Variants in TMEM39A observed in about 807,000 individuals in gnomAD.
The protein encoded by TMEM39A is transmembrane protein 39A.
TMEM39A carries 19 observed loss-of-function variants against 51.9 expected under a neutral mutation model. The observed-to-expected ratio is 0.37, with a 90% CI of 0.26 to 0.54. TMEM39A has a LOEUF of 0.54. TMEM39A is among the 20% of genes least tolerant of loss of function. The pLI, the probability that TMEM39A is intolerant of heterozygous loss-of-function variation, is 0.88. For synonymous variants in TMEM39A, 197 were observed against 220.2 expected (o/e 0.89, Z 0.93); for missense variants, 433 against 590.5 (o/e 0.73, Z 2.76).
In TMEM39A at chr3:119,458,232, C is replaced by T. The variant is rs1324307278; in HGVS notation, c.122G>A (p.Ser41Asn). ...NGTGLRNRNG[S>N]AIGLPVPPIT... Reference sequence around the variant, plus strand: ...AGGTGGGACTGGAAGGCCAATAGCACTACCATTCCTGAAAGAGAAAACTAT... The same window carrying T: ...AGGTGGGACTGGAAGGCCAATAGCATTACCATTCCTGAAAGAGAAAACTAT... The change falls in exon 3 of 9, where the codon AGT becomes AAT. Residue 41 changes from serine to asparagine, a missense_variant. Physicochemically the swap from Ser to Asn is conservative, Grantham distance 46. Transcript: ENST00000319172. The T allele has an allele frequency of 6.2e-7, 1 of 1,613,754 alleles. No homozygotes were observed. Among genetic ancestry groups the T allele is most frequent in the Non-Finnish European group, 8.5e-7 (1 of 1,179,942 alleles).
intron 3 of TMEM39A, among the ~76,000 whole-genome samples, chr3:119,455,004 G>A (rs1237519053): frequency 6.6e-6 from 1 of 152,130 alleles, no homozygotes; most frequent in Admixed American, 6.5e-5. Flanking sequence ...TTAATTGGTT[G>A]ACAGCTAGAA....
chr3:119,462,367 G>A (rs1051333679), intron 1 of TMEM39A, among the ~76,000 whole-genome samples: 1 of 152,130 alleles, frequency 6.6e-6, no homozygotes, highest in African/African-American at 2.4e-5. Context: ...TTAGGCAAGT[G>A]ATGATTTGTG....
chr3:119,456,166 G>A (rs1234669352), intron 3 of TMEM39A, among the ~76,000 whole-genome samples: 2 of 152,032 alleles, frequency 1.3e-5, no homozygotes, highest in Admixed American at 1.3e-4. Context: ...TTTATTTATA[G>A]AACTATATAG....
rs1299210982 is a variant in TMEM39A at position 119,431,689 on chromosome 3, T to C, written c.*292A>G. ...ATACCAAAGGTACTGTGTCAAGTAA[T>C]ACATGAGATGTGTTCATAAACGAAT... On this transcript the variant is annotated 3_prime_UTR_variant, in exon 9 of 9. Transcript: ENST00000319172. 4.9e-6 allele frequency: 1 copy of C among 204,810 alleles called. No individual in the cohort carries two copies. 12.7% of individuals were successfully genotyped at this position (204,810 alleles called of 1,614,324 possible). A position where few individuals can be genotyped will look rare whatever the true frequency, so the allele number is the denominator to read the frequency against.
chr3:119,443,211 C>T (rs968995173), intron 5 of TMEM39A, among the ~76,000 whole-genome samples: 3 of 151,712 alleles, frequency 2.0e-5, no homozygotes, highest in African/African-American at 7.3e-5. Flanking sequence ...ATGCTGAGAA[C>T]ACTGTTGAAA....
At chr3:119,454,210 G>A (rs1289858317) in intron 3 of TMEM39A, among the ~76,000 whole-genome samples, 2 of 152,186 alleles carry the variant, frequency 1.3e-5, no homozygotes, top group Non-Finnish European at 2.9e-5. Context: ...AATGATAACA[G>A]ACTGAATAGT....
At chr3:119,455,118 T>C (rs1437222394) in intron 3 of TMEM39A, among the ~76,000 whole-genome samples, 2 of 152,138 alleles carry the variant, frequency 1.3e-5, no homozygotes, top group Non-Finnish European at 2.9e-5. Flanking sequence ...TTATTATGAG[T>C]ATCTGACCCA....
At chr3:119,462,649 G>GGGGGGGGGGA (rs2081354827) in intron 1 of TMEM39A, among the ~76,000 whole-genome samples, 1 of 92,938 alleles carries the variant, frequency 1.1e-5, no homozygotes, top group Non-Finnish European at 2.2e-5. Context: ...GGGGGCGGGG[G>GGGGGGGGGGA]GGGGGAGTGT....
At chr3:119,457,885 G>A in intron 3 of TMEM39A, 133 bp downstream of exon 3, 2 of 584,430 alleles carry the variant, frequency 3.4e-6, no homozygotes, top group Non-Finnish European at 5.8e-6. Context: ...ATTTCTGAAA[G>A]TAATCTGTGG....
intron 2 of TMEM39A, among the ~76,000 whole-genome samples, chr3:119,458,624 G>A (rs1230212875): frequency 1.3e-5 from 2 of 152,164 alleles, no homozygotes; most frequent in African/African-American, 4.8e-5. Flanking sequence ...GCCAGGCGTG[G>A]TGGCTCACAC....
chr3:119,434,913 A>G (rs1378113903), intron 7 of TMEM39A, 31 bp from the exon 8 acceptor site: 1 of 1,607,772 alleles, frequency 6.2e-7, no homozygotes, highest in Non-Finnish European at 8.5e-7. Context: ...ATGTTAGCAT[A>G]TTGGCAATTA....
intron 3 of TMEM39A, among the ~76,000 whole-genome samples, chr3:119,457,342 G>T (rs2081279894): frequency 6.6e-6 from 1 of 152,196 alleles, no homozygotes; most frequent in Admixed American, 6.5e-5. Flanking sequence ...CTTCAGCAAA[G>T]ACAGCCAATT....
intron 3 of TMEM39A, among the ~76,000 whole-genome samples, chr3:119,456,515 T>C (rs964098497): frequency 6.6e-6 from 1 of 152,252 alleles, no homozygotes; most frequent in East Asian, 1.9e-4. Context: ...ATGTTCACCA[T>C]GATAGGGAGG....
chr3:119,434,848 G>T lies in TMEM39A; in HGVS notation c.1147C>A (p.Leu383Met). ...SENTIWPQGVLVRHSRCLYRA... is the reference protein window; with the variant it reads ...SENTIWPQGVMVRHSRCLYRA... ...TATAAACATCTGCTGTGCCGCACCA[G>T]CACCCCTTGAGGCCATATTGTATTT... is the stretch of plus-strand genomic sequence containing the variant. The change falls in exon 8 of 9, where the codon CTG becomes ATG. Residue 383 changes from leucine to methionine, a missense_variant. By Grantham distance (15) the Leu-to-Met change is conservative. Transcript: ENST00000319172. 8 of 1,613,680 alleles carry T rather than the reference G, an allele frequency of 5.0e-6. No individual in the cohort carries two copies. Among genetic ancestry groups the T allele is most frequent in the Non-Finnish European group, 6.8e-6 (8 of 1,179,672 alleles).
chr3:119,460,757 A>C (rs190925959), intron 2 of TMEM39A, among the ~76,000 whole-genome samples: 235 of 152,318 alleles, frequency 1.5e-3, no homozygotes, highest in Middle Eastern at 6.8e-3. Context: ...AGAATTTTTT[A>C]GTTGGCTAGA....
intron 5 of TMEM39A, among the ~76,000 whole-genome samples, chr3:119,446,368 A>G (rs2081125082): frequency 6.8e-6 from 1 of 147,592 alleles, no homozygotes; most frequent in Non-Finnish European, 1.5e-5. Context: ...CAAGTCCGCT[A>G]CTAAGCAACT....
intron 5 of TMEM39A, among the ~76,000 whole-genome samples, chr3:119,445,756 T>C (rs2081116870): frequency 6.6e-6 from 1 of 152,232 alleles, no homozygotes; most frequent in Non-Finnish European, 1.5e-5. Context: ...CAGATAAGTA[T>C]TACACAGTTA....
rs567090063 is a variant in TMEM39A at position 119,444,380 on chromosome 3, T to G, written c.575+2638A>C. ...TAGAAACAATTCATGTAAAATATAT[T>G]CCTCATATGAAATCAGAGTCATGAA... is the stretch of plus-strand genomic sequence containing the variant. On this transcript the variant is annotated intron_variant, in intron 5 of 8. Coordinates refer to ENST00000319172, the MANE Select transcript of TMEM39A (RefSeq NM_018266.3). Among the ~76,000 whole-genome samples the G allele has an allele frequency of 3.3e-5, 5 of 152,334 alleles. No homozygotes were observed. The South Asian group carries it at 1.0e-3, about 32-fold the overall frequency.
chr3:119,440,811 C>A (rs13062955), intron 5 of TMEM39A, among the ~76,000 whole-genome samples: 22,085 of 152,156 alleles, frequency 0.15, 2,014 homozygotes, highest in Admixed American at 0.2. Flanking sequence ...CATTTCACTT[C>A]ATTGTGCTTC....
Sources: allele counts gnomAD v4.1 joint callset (sites outside exome capture counted in the v4.1 genomes callset), GRCh38; gene constraint gnomAD v4.1.1; transcripts MANE v1.5; gene names NCBI Gene and HGNC (gene_info 2026-07-23, HGNC 2026-07-21).